The following GSTCD variants were observed in gnomAD, a reference collection of about 807,000 sequenced individuals.
GSTCD encodes the protein glutathione S-transferase C-terminal domain containing, also known as glutathione S-transferase C-terminal domain-containing protein.
In GSTCD, 44 loss-of-function variants were observed where a neutral mutation model predicts 68.3. The observed-to-expected ratio is 0.64, with a 90% CI of 0.51 to 0.83. The LOEUF is 0.83. Among genes scored for constraint, GSTCD ranks in the 40% least tolerant of loss-of-function variants. The probability of loss-of-function intolerance (pLI) is 0.00; values close to 1 mark genes in which losing one functional copy is unlikely to be tolerated. For synonymous variants in GSTCD, 273 were observed against 255.2 expected (o/e 1.07, Z -0.67); for missense variants, 739 against 735.9 (o/e 1.00, Z -0.05).
chr4:105,717,150 T>C (rs1397636997), intron 1 of GSTCD, among the ~76,000 whole-genome samples: 1 of 152,196 alleles, frequency 6.6e-6, no homozygotes, highest in African/African-American at 2.4e-5. Flanking sequence ...AAAGAACGAA[T>C]ATCCCCTCCC....
At chr4:105,825,412 G>A (rs184765969) in intron 7 of GSTCD, among the ~76,000 whole-genome samples, 1 of 152,154 alleles carries the variant, frequency 6.6e-6, no homozygotes, top group Non-Finnish European at 1.5e-5. Context: ...TTACAGGCGT[G>A]AGCCACCACG....
At position 105,846,668 on chromosome 4, in the gene GSTCD, CTTTTTTTTTTT is replaced by C. The variant is rs71586114; in HGVS notation, c.*1101_*1111del. 3 of 117,972 alleles carry C rather than the reference CTTTTTTTTTTT, an allele frequency of 2.5e-5. No individual in the cohort carries two copies. 7.3% of individuals were successfully genotyped at this position (117,972 alleles called of 1,614,324 possible). A position where few individuals can be genotyped will look rare whatever the true frequency, so the allele number is the denominator to read the frequency against. On this transcript the variant is annotated 3_prime_UTR_variant, in exon 12 of 12. Transcript: ENST00000515279. The stretch of plus-strand genomic sequence containing the variant: ...GAAAAAGATTAAAGAATTAGTTAAG[CTTTTTTTTTTT>C]TTTTTTTTTGAGACAGAGTTTCACT...
intron 5 of GSTCD, among the ~76,000 whole-genome samples, chr4:105,756,576 GTGTGTA>G (rs1159131569): frequency 1.1e-5 from 1 of 89,412 alleles, no homozygotes; most frequent in East Asian, 4.3e-4. Flanking sequence ...GTGTGTGTGT[GTGTGTA>G]TATATATATA....
chr4:105,766,699 A>G (rs1269786538), intron 5 of GSTCD, among the ~76,000 whole-genome samples: 2 of 152,076 alleles, frequency 1.3e-5, no homozygotes, highest in East Asian at 3.9e-4. Flanking sequence ...CATTGAATAT[A>G]TGTGCCTTAA....
chr4:105,818,436 G>T (rs10516528), intron 5 of GSTCD, among the ~76,000 whole-genome samples: 8,165 of 151,878 alleles, frequency 0.054, 250 homozygotes, highest in Middle Eastern at 0.14. Context: ...TAAGGTGTGA[G>T]AAATTCAAAG....
rs1031532369 is a variant in GSTCD at position 105,782,223 on chromosome 4, T to G, written c.1241-40731T>G. Among the ~76,000 whole-genome samples, 32 of 152,114 alleles carry G rather than the reference T, an allele frequency of 2.1e-4. No homozygotes were observed. The Middle Eastern group carries it at 0.01, about 49-fold the overall frequency. ...AGGAAAAAGGAGAAAGACGGCCAGGTGTGGTGGCTCATGCCTGTAATCCCA... is the reference window on the plus strand; with the variant it reads ...AGGAAAAAGGAGAAAGACGGCCAGGGGTGGTGGCTCATGCCTGTAATCCCA... On this transcript the variant is annotated intron_variant, in intron 5 of 11. Transcript: ENST00000515279.
chr4:105,762,486 C>T (rs1734451804), intron 5 of GSTCD, among the ~76,000 whole-genome samples: 2 of 152,096 alleles, frequency 1.3e-5, no homozygotes, highest in African/African-American at 4.8e-5. Context: ...CAGTTTTGTA[C>T]CTGACCTGGT....
chr4:105,726,532 A>G, intron 3 of GSTCD, 47 bp from the exon 4 acceptor site: 1 of 1,283,402 alleles, frequency 7.8e-7, no homozygotes, highest in Non-Finnish European at 1.1e-6. Flanking sequence ...CACAGCTATT[A>G]TAAACAAAAT....
chr4:105,791,260 G>T (rs958753104), intron 5 of GSTCD, among the ~76,000 whole-genome samples: 2 of 151,852 alleles, frequency 1.3e-5, no homozygotes, highest in African/African-American at 4.9e-5. Context: ...GGGCGTGGTG[G>T]TGGGCGCCTG....
chr4:105,814,204 A>G (rs1722873032), intron 5 of GSTCD, among the ~76,000 whole-genome samples: 1 of 152,174 alleles, frequency 6.6e-6, no homozygotes, highest in African/African-American at 2.4e-5. Flanking sequence ...TCTGACATCC[A>G]TTGTTACTTA....
intron 5 of GSTCD, among the ~76,000 whole-genome samples, chr4:105,803,983 T>C (rs11731938): frequency 1.3e-5 from 2 of 151,978 alleles, no homozygotes; most frequent in African/African-American, 4.8e-5. Flanking sequence ...AAAATACTAC[T>C]AATTTTTTGT....
At chr4:105,743,010 C>T (rs1330456768) in intron 5 of GSTCD, among the ~76,000 whole-genome samples, 6 of 147,116 alleles carry the variant, frequency 4.1e-5, no homozygotes, top group South Asian at 2.1e-4. Flanking sequence ...AGTGCAGTGC[C>T]GCGATCTCAG....
chr4:105,730,391 G>C lies in GSTCD; in HGVS notation c.1240+892G>C, dbSNP rs912137003. Among the ~76,000 whole-genome samples, 17 of 152,146 alleles carry C rather than the reference G, an allele frequency of 1.1e-4. No individual in the cohort carries two copies. The South Asian group carries it at 2.7e-3, about 24-fold the overall frequency. On this transcript the variant is annotated intron_variant, in intron 5 of 11. Coordinates refer to ENST00000515279, the MANE Select transcript of GSTCD (RefSeq NM_001370181.1). ...AAAAGTGTTCCTATTTCTCCACATTGTATCCAGCACCTGTTGTTTCTTGAC... is the reference window on the plus strand; with the variant it reads ...AAAAGTGTTCCTATTTCTCCACATTCTATCCAGCACCTGTTGTTTCTTGAC...
rs1487069022 is a variant in GSTCD, at chr4:105,823,220, G to A, written c.1357-11G>A. On this transcript the variant is annotated splice_polypyrimidine_tract_variant and intron_variant, in intron 6 of 11. Coordinates refer to ENST00000515279, the MANE Select transcript of GSTCD (RefSeq NM_001370181.1). ...CCAAAGCTAACTTGTTTGTCTTACTGACTTTTTCAGGGCCATGTTGGAATT... is the reference window on the plus strand; with the variant it reads ...CCAAAGCTAACTTGTTTGTCTTACTAACTTTTTCAGGGCCATGTTGGAATT... The A allele has an allele frequency of 3.1e-6, 5 of 1,613,280 alleles. No individual in the cohort carries two copies. The highest frequency in any genetic ancestry group is 3.4e-6 in the Non-Finnish European group (4 of 1,179,268).
intron 5 of GSTCD, among the ~76,000 whole-genome samples, chr4:105,742,707 C>CTTTTTTTTTTTTTTTTTTTTTTTTTAT (rs70941211): frequency 7.7e-6 from 1 of 130,398 alleles, no homozygotes. Context: ...GTTGTTTTTA[C>CTTTTTTTTTTTTTTTTTTTTTTTTTAT]TTTTTTTTTT....
intron 5 of GSTCD, among the ~76,000 whole-genome samples, chr4:105,737,430 G>T (rs1448495749): frequency 6.6e-6 from 1 of 152,108 alleles, no homozygotes; most frequent in Non-Finnish European, 1.5e-5. Context: ...CTTTCTGCTG[G>T]TTGTGTCTTC....
intron 9 of GSTCD, among the ~76,000 whole-genome samples, chr4:105,835,365 A>G (rs1366698582): frequency 2.6e-5 from 4 of 152,154 alleles, no homozygotes; most frequent in African/African-American, 9.7e-5. Context: ...ATGAATGAGC[A>G]AGCACAGGGT....
intron 5 of GSTCD, among the ~76,000 whole-genome samples, chr4:105,755,341 G>A (rs1734149507): frequency 1.3e-5 from 2 of 151,788 alleles, no homozygotes; most frequent in Non-Finnish European, 2.9e-5. Context: ...AGGTAGGGAG[G>A]TAAGGAGGGA....
chr4:105,716,550 G>T (rs573167463), intron 1 of GSTCD, among the ~76,000 whole-genome samples: 2 of 152,096 alleles, frequency 1.3e-5, no homozygotes, highest in Non-Finnish European at 2.9e-5. Context: ...GATCAGCAGC[G>T]GCATCAGATT....
Sources: gnomAD v4.1 joint callset for allele counts (sites outside exome capture counted in the v4.1 genomes callset) on GRCh38, gnomAD v4.1.1 for gene constraint, MANE v1.5 for transcripts, NCBI Gene and HGNC (gene_info 2026-07-23, HGNC 2026-07-21) for gene names.